Variants in FOXP2 observed in about 807,000 individuals in gnomAD.
FOXP2 encodes forkhead box P2.
A neutral mutation model predicts 115.8 loss-of-function variants in FOXP2; 12 were observed. The observed-to-expected ratio is 0.10, with a 90% CI of 0.07 to 0.17. FOXP2 has a LOEUF of 0.17. Ranked by LOEUF, FOXP2 falls within the 10% of genes least tolerant of loss-of-function variation. FOXP2 has a pLI of 1.00. For synonymous variants in FOXP2, 328 were observed against 297.7 expected (o/e 1.10, Z -1.05); for missense variants, 629 against 843.5 (o/e 0.75, Z 3.15).
Position 114,693,581 on chromosome 7 carries a change from T to G in FOXP2, c.*3655T>G, listed in dbSNP as rs1240627492. The stretch of plus-strand genomic sequence containing the variant: ...CACTAGTTCAGGTTGCAACGAAAGG[T>G]TTTTTTGTCCATGAACACTTGGCAT... On this transcript the variant is annotated 3_prime_UTR_variant, in exon 17 of 17. Transcript: ENST00000350908. The G allele has an allele frequency of 2.2e-5, 10 of 452,428 alleles. No homozygotes were observed. The highest frequency in any genetic ancestry group is 4.0e-5 in the African/African-American group (2 of 49,554). The allele number at this position is 452,428 out of a possible 1,614,324, so 28.0% of individuals were successfully genotyped here. A position where few individuals can be genotyped will look rare whatever the true frequency, so the allele number is the denominator to read the frequency against.
chr7:114,477,628 C>T (rs977103375), intron 2 of FOXP2, among the ~76,000 whole-genome samples: 1 of 151,652 alleles, frequency 6.6e-6, no homozygotes, highest in Admixed American at 6.6e-5. Context: ...CCACATGTAC[C>T]CCCTGTATCT....
At chr7:114,487,037 G>T (rs1321752976) in intron 2 of FOXP2, among the ~76,000 whole-genome samples, 1 of 152,146 alleles carries the variant, frequency 6.6e-6, no homozygotes, top group Non-Finnish European at 1.5e-5. Context: ...GTGCCAGTGG[G>T]GACTCTGTGT....
In FOXP2 at chr7:114,690,447, T is replaced by A. The variant is rs777333069; in HGVS notation, c.*521T>A. 1 of 453,918 alleles carries A rather than the reference T, an allele frequency of 2.2e-6. No homozygotes were observed. Among genetic ancestry groups the A allele is most frequent in the Non-Finnish European group, 4.4e-6 (1 of 226,644 alleles). 28.1% of individuals were successfully genotyped at this position (453,918 alleles called of 1,614,324 possible). A position where few individuals can be genotyped will look rare whatever the true frequency, so the allele number is the denominator to read the frequency against. Reference sequence around the variant, plus strand: ...AGTATCAGAAATTAGTGTCACTGCTTGTATCTAGCTGAATTTTAAACAACA... The same window carrying A: ...AGTATCAGAAATTAGTGTCACTGCTAGTATCTAGCTGAATTTTAAACAACA... On this transcript the variant is annotated 3_prime_UTR_variant, in exon 17 of 17. Coordinates refer to ENST00000350908, the MANE Select transcript of FOXP2 (RefSeq NM_014491.4).
intron 3 of FOXP2, among the ~76,000 whole-genome samples, chr7:114,589,827 A>G (rs978880728): frequency 3.3e-5 from 5 of 151,942 alleles, no homozygotes; most frequent in Non-Finnish European, 5.9e-5. Flanking sequence ...GCATTTTTCC[A>G]TACTCTTTTG....
chr7:114,534,626 G>T lies in FOXP2; in HGVS notation c.178G>T (p.Ala60Ser). The change falls in exon 3 of 17, where the codon GCA becomes TCA. Residue 60 changes from alanine to serine, a missense_variant. Transcript: ENST00000350908. ...TCATTTTTACTTCTAGGCTCTCCAG[G>T]CAGCAAGACAACTTCTTTTACAGCA... Reference protein sequence around the residue: ...LHLQQQQALQAARQLLLQQQT... With the variant: ...LHLQQQQALQSARQLLLQQQT... 6.2e-7 allele frequency: 1 copy of T among 1,611,720 alleles called. No homozygotes were observed. The highest frequency in any genetic ancestry group is 8.5e-7 in the Non-Finnish European group (1 of 1,178,346).
In FOXP2 at chr7:114,671,644, C is replaced by T. The variant is rs1038687475; in HGVS notation, c.2003+7208C>T. Among the ~76,000 whole-genome samples, 36 of 151,988 alleles carry T rather than the reference C, an allele frequency of 2.4e-4. 1 individual carries two copies. The highest frequency in any genetic ancestry group is 4.4e-5 in the Non-Finnish European group (3 of 67,996). Reference sequence around the variant, plus strand: ...CTGAATTGTTAAAGAAGGAATAATGCTTCAGTGTTAACTTTTTCCTACTTT... The same window carrying T: ...CTGAATTGTTAAAGAAGGAATAATGTTTCAGTGTTAACTTTTTCCTACTTT... On this transcript the variant is annotated intron_variant, in intron 16 of 16. Coordinates refer to ENST00000350908, the MANE Select transcript of FOXP2 (RefSeq NM_014491.4).
intron 2 of FOXP2, among the ~76,000 whole-genome samples, chr7:114,432,428 C>G (rs1404476467): frequency 6.6e-6 from 1 of 151,982 alleles, no homozygotes; most frequent in Admixed American, 6.6e-5. Flanking sequence ...AATTTACACT[C>G]TCTTATTCAA....
intron 1 of FOXP2, among the ~76,000 whole-genome samples, chr7:114,186,417 G>A (rs1317918289): frequency 2.0e-5 from 3 of 152,170 alleles, no homozygotes; most frequent in African/African-American, 7.2e-5. Flanking sequence ...TCTCAAATAA[G>A]TGTAAAACCC....
chr7:114,230,975 TAC>T (rs3086371), intron 1 of FOXP2, among the ~76,000 whole-genome samples: 122,068 of 147,008 alleles, frequency 0.83, 50,762 homozygotes, highest in Middle Eastern at 0.91. Context: ...CCCTAAAGAT[TAC>T]ACACACACAC....
At chr7:114,349,126 AT>A (rs1041209717) in intron 2 of FOXP2, among the ~76,000 whole-genome samples, 1 of 151,870 alleles carries the variant, frequency 6.6e-6, no homozygotes, top group African/African-American at 2.4e-5. Flanking sequence ...TGACTTTACT[AT>A]GTTTTTTTTT....
rs114199605 is a variant in FOXP2 at position 114,089,826 on chromosome 7, C to T, written c.-247+1988C>T. ...CAAACAAAATTTCAAACACACAAAACAAGTCTCTTTGCATAGATATTAGAA... is the reference window on the plus strand; with the variant it reads ...CAAACAAAATTTCAAACACACAAAATAAGTCTCTTTGCATAGATATTAGAA... On this transcript the variant is annotated intron_variant, in intron 1 of 19. Transcript: ENST00000635638. Among the ~76,000 whole-genome samples the T allele has an allele frequency of 2.5e-3, 377 of 151,962 alleles. 1 individual carries two copies. The highest frequency in any genetic ancestry group is 8.7e-3 in the African/African-American group (363 of 41,516).
chr7:114,223,705 G>C (rs892984260), intron 1 of FOXP2, among the ~76,000 whole-genome samples: 1 of 150,466 alleles, frequency 6.6e-6, no homozygotes, highest in African/African-American at 2.4e-5. Context: ...AAAACTTCTG[G>C]GCTCAAGTTA....
At chr7:114,378,753 T>G (rs1443661510) in intron 2 of FOXP2, among the ~76,000 whole-genome samples, 1 of 141,560 alleles carries the variant, frequency 7.1e-6, no homozygotes, top group Non-Finnish European at 1.5e-5. Flanking sequence ...ATCACAGCCT[T>G]CTGCTGTCTG....
chr7:114,582,294 T>C (rs957860013), intron 3 of FOXP2, among the ~76,000 whole-genome samples: 6 of 152,324 alleles, frequency 3.9e-5, no homozygotes, highest in Admixed American at 3.3e-4. Flanking sequence ...TCTTATATTA[T>C]GTGTTGTCTG....
intron 2 of FOXP2, among the ~76,000 whole-genome samples, chr7:114,521,116 A>C (rs1233396014): frequency 6.6e-6 from 1 of 152,146 alleles, no homozygotes; most frequent in Non-Finnish European, 1.5e-5. Flanking sequence ...AAAGAACTGT[A>C]TGGTGTTTGC....
chr7:114,677,530 C>T (rs1464131610), intron 16 of FOXP2, among the ~76,000 whole-genome samples: 1 of 152,142 alleles, frequency 6.6e-6, no homozygotes, highest in African/African-American at 2.4e-5. Flanking sequence ...TTACATTACT[C>T]TAGGGAATAC....
At chr7:114,180,259 T>C (rs954862207) in intron 1 of FOXP2, among the ~76,000 whole-genome samples, 1 of 152,034 alleles carries the variant, frequency 6.6e-6, no homozygotes. Flanking sequence ...TGGTGACTGC[T>C]TCCTCTTTCT....
rs545940110 is a variant in FOXP2 at position 114,251,727 on chromosome 7, A to T, written c.-101-36292A>T. 2.4e-4 allele frequency among the ~76,000 whole-genome samples: 36 copies of T among 152,308 alleles called. 1 individual carries two copies. In the South Asian group the frequency reaches 7.3e-3, roughly 31 times the overall value. On this transcript the variant is annotated intron_variant, in intron 1 of 17. Transcript: ENST00000634411. ...GGTTTTCTAAATATACAATCATGTC[A>T]TCTGCAAACAGGGACAATTTGACTT... is the stretch of plus-strand genomic sequence containing the variant.
Position 114,659,616 on chromosome 7 carries a change from T to G in FOXP2, c.1590T>G (p.Ile530Met). 1 of 1,613,766 alleles carries G rather than the reference T, an allele frequency of 6.2e-7. No individual in the cohort carries two copies. ...ACAGGCAGTTAACACTTAATGAAAT[T>G]TACAGCTGGTTTACACGGACATTTG... ...SSDRQLTLNE[I>M]YSWFTRTFAY... Residue 530 changes from isoleucine to methionine, a missense_variant, in exon 13 of 17, where the codon ATT becomes ATG. Physicochemically the swap from Ile to Met is conservative, Grantham distance 10. Transcript: ENST00000350908.
Sources: gnomAD v4.1 joint callset for allele counts (sites outside exome capture counted in the v4.1 genomes callset) on GRCh38, gnomAD v4.1.1 for gene constraint, MANE v1.5 for transcripts, NCBI Gene and HGNC (gene_info 2026-07-23, HGNC 2026-07-21) for gene names.